Variants in NKAIN3 observed in about 807,000 individuals in gnomAD.
The protein encoded by NKAIN3 is sodium/potassium transporting ATPase interacting 3.
A neutral mutation model predicts 30.2 loss-of-function variants in NKAIN3; 25 were observed. The ratio of observed to expected loss-of-function variants is 0.83; its 90% CI spans 0.60 to 1.16. The LOEUF is 1.16. Ranked by LOEUF, NKAIN3 falls within the 50% of genes most tolerant of loss-of-function variation. The probability of loss-of-function intolerance (pLI) is 0.00; values close to 1 mark genes in which losing one functional copy is unlikely to be tolerated. For synonymous variants in NKAIN3, 91 were observed against 89.6 expected (o/e 1.02, Z -0.09); for missense variants, 225 against 254.1 (o/e 0.89, Z 0.78).
chr8:62,899,462 C>G (rs1243177521), intron 4 of NKAIN3, among the ~76,000 whole-genome samples: 1 of 152,124 alleles, frequency 6.6e-6, no homozygotes, highest in Non-Finnish European at 1.5e-5. Flanking sequence ...AACTGGAGGA[C>G]ATTATTCTAA....
chr8:62,319,555 G>T (rs555511556), intron 1 of NKAIN3, among the ~76,000 whole-genome samples: 1 of 152,110 alleles, frequency 6.6e-6, no homozygotes, highest in Non-Finnish European at 1.5e-5. Flanking sequence ...TGGTTTCAAA[G>T]AACATATTTA....
intron 4 of NKAIN3, among the ~76,000 whole-genome samples, chr8:62,754,907 T>C (rs1816401517): frequency 6.6e-6 from 1 of 152,194 alleles, no homozygotes. Context: ...AGTGCAAGAA[T>C]GTAAGTCAAA....
chr8:62,580,611 A>G (rs1297317754), intron 2 of NKAIN3, among the ~76,000 whole-genome samples: 1 of 152,116 alleles, frequency 6.6e-6, no homozygotes. Flanking sequence ...AAAATAATAA[A>G]GTTATAATTT....
At chr8:62,788,982 G>A (rs1273750147) in intron 4 of NKAIN3, among the ~76,000 whole-genome samples, 1 of 152,110 alleles carries the variant, frequency 6.6e-6, no homozygotes, top group Non-Finnish European at 1.5e-5. Context: ...CTCCAGCTTT[G>A]TTCTTTTGGC....
intron 5 of NKAIN3, among the ~76,000 whole-genome samples, chr8:62,930,853 G>A (rs775604706): frequency 3.3e-5 from 5 of 151,734 alleles, no homozygotes; most frequent in South Asian, 2.1e-4. Flanking sequence ...GCAGGTGCCC[G>A]CCACCATGCC....
At chr8:62,490,096 T>C (rs1393261545) in intron 1 of NKAIN3, among the ~76,000 whole-genome samples, 2 of 152,224 alleles carry the variant, frequency 1.3e-5, no homozygotes, top group African/African-American at 4.8e-5. Flanking sequence ...TGATAGTCTT[T>C]CTGGTGTGTC....
At chr8:62,799,035 G>A (rs770250906) in intron 4 of NKAIN3, among the ~76,000 whole-genome samples, 3 of 152,128 alleles carry the variant, frequency 2.0e-5, no homozygotes, top group Non-Finnish European at 4.4e-5. Context: ...TAGCACATGA[G>A]GGCCTGCTTT....
At chr8:62,439,234 C>G (rs1052971360) in intron 1 of NKAIN3, among the ~76,000 whole-genome samples, 2 of 152,146 alleles carry the variant, frequency 1.3e-5, no homozygotes, top group African/African-American at 4.8e-5. Flanking sequence ...AGCCTGAGTC[C>G]TCTGGATTAG....
chr8:62,458,998 G>A (rs1208782498), intron 1 of NKAIN3, among the ~76,000 whole-genome samples: 1 of 150,752 alleles, frequency 6.6e-6, no homozygotes, highest in East Asian at 2.0e-4. Context: ...TAGGATGAAA[G>A]ATTAGATTTT....
At chr8:62,338,664 T>C (rs2129590724) in intron 1 of NKAIN3, among the ~76,000 whole-genome samples, 1 of 152,006 alleles carries the variant, frequency 6.6e-6, no homozygotes, top group East Asian at 1.9e-4. Context: ...CAATAGGCCA[T>C]CTGCAAGCTG....
At chr8:62,822,283 G>A (rs1818871797) in intron 4 of NKAIN3, among the ~76,000 whole-genome samples, 1 of 152,130 alleles carries the variant, frequency 6.6e-6, no homozygotes, top group African/African-American at 2.4e-5. Flanking sequence ...GTAAAAGGCA[G>A]CAAAAGGAAA....
chr8:62,619,173 GCTCATTGGTACCTAC>G (rs1811549079), intron 3 of NKAIN3, among the ~76,000 whole-genome samples: 1 of 152,146 alleles, frequency 6.6e-6, no homozygotes, highest in African/African-American at 2.4e-5. Flanking sequence ...AGGACTACAA[GCTCATTGGTACCTAC>G]CTTAGCTAAG....
intron 4 of NKAIN3, among the ~76,000 whole-genome samples, chr8:62,894,948 C>A (rs1277270943): frequency 1.3e-5 from 2 of 152,186 alleles, no homozygotes; most frequent in African/African-American, 4.8e-5. Flanking sequence ...TCCCAGCAGT[C>A]AGCTCCCTTT....
intron 4 of NKAIN3, among the ~76,000 whole-genome samples, chr8:62,758,338 G>A (rs907236926): frequency 2.0e-5 from 3 of 152,126 alleles, no homozygotes; most frequent in Non-Finnish European, 2.9e-5. Flanking sequence ...CTGTGGATTA[G>A]ATAACAGTAT....
chr8:62,530,377 C>G (rs1808451041), intron 1 of NKAIN3, among the ~76,000 whole-genome samples: 1 of 152,004 alleles, frequency 6.6e-6, no homozygotes, highest in Non-Finnish European at 1.5e-5. Flanking sequence ...ATCCTGTGAC[C>G]CTGAGAACTG....
At chr8:62,489,770 A>G (rs919481227) in intron 1 of NKAIN3, among the ~76,000 whole-genome samples, 2 of 152,188 alleles carry the variant, frequency 1.3e-5, no homozygotes, top group Non-Finnish European at 2.9e-5. Context: ...TGACATGCAA[A>G]CTTAAGTTCT....
intron 1 of NKAIN3, among the ~76,000 whole-genome samples, chr8:62,408,604 G>A (rs1804147575): frequency 6.6e-6 from 1 of 152,112 alleles, no homozygotes; most frequent in African/African-American, 2.4e-5. Context: ...TCACTTAGTG[G>A]TTTAGAGGAA....
intron 4 of NKAIN3, among the ~76,000 whole-genome samples, chr8:62,756,476 T>C (rs1216796981): frequency 4.6e-5 from 7 of 152,214 alleles, no homozygotes; most frequent in Admixed American, 3.9e-4. Flanking sequence ...GATATATGTA[T>C]AATATTTAGC....
intron 1 of NKAIN3, among the ~76,000 whole-genome samples, chr8:62,285,499 T>C (rs1239602289): frequency 1.3e-5 from 2 of 152,104 alleles, no homozygotes; most frequent in Non-Finnish European, 2.9e-5. Flanking sequence ...AGGAACTCTT[T>C]AGAGAGTCGC....
Sources: allele counts gnomAD v4.1 joint callset (sites outside exome capture counted in the v4.1 genomes callset), GRCh38; gene constraint gnomAD v4.1.1; transcripts MANE v1.5; gene names NCBI Gene and HGNC (gene_info 2026-07-23, HGNC 2026-07-21).